The following PARVA variants were observed in gnomAD, a reference collection of about 807,000 sequenced individuals.
The protein encoded by PARVA is alpha-parvin.
A neutral mutation model predicts 52.6 loss-of-function variants in PARVA; 25 were observed. The observed-to-expected ratio is 0.48, with a 90% CI of 0.35 to 0.66. PARVA has a LOEUF of 0.66. Among genes scored for constraint, PARVA ranks in the 30% least tolerant of loss-of-function variants. The probability of loss-of-function intolerance (pLI) is 0.01; values close to 1 mark genes in which losing one functional copy is unlikely to be tolerated. For missense variants in PARVA, 373 were observed against 450.9 expected (o/e 0.83, Z 1.56); for synonymous variants, 185 against 179.1 (o/e 1.03, Z -0.26).
At position 12,416,038 on chromosome 11, in the gene PARVA, A is replaced by G. The variant is rs75170625; in HGVS notation, c.136+38255A>G. 6.4e-3 allele frequency among the ~76,000 whole-genome samples: 971 copies of G among 152,348 alleles called. 5 individuals carry two copies. Among genetic ancestry groups the G allele is most frequent in the Middle Eastern group, 0.017 (5 of 294 alleles). ...TAACCTCCATTTGTTTTCCCTTTCA[A>G]CATCATAATGCTGTGGTGAACTGGC... On this transcript the variant is annotated intron_variant, in intron 1 of 12. Coordinates refer to ENST00000334956, the MANE Select transcript of PARVA (RefSeq NM_018222.5).
intron 1 of PARVA, among the ~76,000 whole-genome samples, chr11:12,433,739 C>T (rs950609039): frequency 2.6e-5 from 4 of 152,282 alleles, no homozygotes; most frequent in East Asian, 1.9e-4. Flanking sequence ...AAAAAGGCCC[C>T]GGCCTCTCTG....
chr11:12,467,548 G>A (rs1940869252), intron 1 of PARVA, among the ~76,000 whole-genome samples: 1 of 152,176 alleles, frequency 6.6e-6, no homozygotes, highest in Non-Finnish European at 1.5e-5. Context: ...TGTTCTTTCA[G>A]ATTGATTTTT....
chr11:12,464,615 C>T (rs1335343347), intron 1 of PARVA, among the ~76,000 whole-genome samples: 1 of 152,208 alleles, frequency 6.6e-6, no homozygotes. Flanking sequence ...ATTTGTAATA[C>T]AGTTAGATTC....
At chr11:12,452,389 GTAGT>G (rs771579175) in intron 1 of PARVA, among the ~76,000 whole-genome samples, 38 of 151,870 alleles carry the variant, frequency 2.5e-4, no homozygotes, top group Non-Finnish European at 4.0e-4. Flanking sequence ...ACCTAAACTA[GTAGT>G]TAGATCTTCG....
rs34525671 is a variant in PARVA, at chr11:12,425,914, A to T, written c.137-47831A>T. Among the ~76,000 whole-genome samples, 873 of 152,322 alleles carry T rather than the reference A, an allele frequency of 5.7e-3. 1 individual carries two copies. The highest frequency in any genetic ancestry group is 8.9e-3 in the Non-Finnish European group (605 of 68,024). ...GTTTTATTCGCTTTAGTAAACTATT[A>T]TAACCTATTTGGAGATAAAGGCAAA... On this transcript the variant is annotated intron_variant, in intron 1 of 12. Coordinates refer to ENST00000334956, the MANE Select transcript of PARVA (RefSeq NM_018222.5).
chr11:12,430,549 C>A (rs1050220454), intron 1 of PARVA, among the ~76,000 whole-genome samples: 1 of 152,148 alleles, frequency 6.6e-6, no homozygotes, highest in African/African-American at 2.4e-5. Flanking sequence ...CACACAGAGG[C>A]TCCTTTCTTT....
At chr11:12,476,245 C>T (rs1941012592) in intron 3 of PARVA, among the ~76,000 whole-genome samples, 1 of 152,132 alleles carries the variant, frequency 6.6e-6, no homozygotes, top group South Asian at 2.1e-4. Flanking sequence ...CAGCTACCTC[C>T]GTACTTCCAG....
At chr11:12,470,420 T>C (rs1940917277) in intron 1 of PARVA, among the ~76,000 whole-genome samples, 1 of 152,214 alleles carries the variant, frequency 6.6e-6, no homozygotes, top group Non-Finnish European at 1.5e-5. Flanking sequence ...GCAATATTGC[T>C]GTCACTCCCA....
chr11:12,463,703 AG>A (rs937294729), intron 1 of PARVA, among the ~76,000 whole-genome samples: 13 of 152,224 alleles, frequency 8.5e-5, no homozygotes, highest in African/African-American at 2.6e-4. Context: ...AAGAGTGGGG[AG>A]TTATGCTCCA....
chr11:12,471,792 C>G (rs1161297386), intron 1 of PARVA, among the ~76,000 whole-genome samples: 1 of 152,152 alleles, frequency 6.6e-6, no homozygotes, highest in Non-Finnish European at 1.5e-5. Flanking sequence ...TTAAATAGCT[C>G]AAGTGGCTAG....
At chr11:12,487,742 TTATAAATAA>T (rs1214977202) in intron 4 of PARVA, among the ~76,000 whole-genome samples, 1 of 152,186 alleles carries the variant, frequency 6.6e-6, no homozygotes, top group Non-Finnish European at 1.5e-5. Flanking sequence ...TTATTATTCT[TTATAAATAA>T]TAGAGAAGCT....
intron 4 of PARVA, among the ~76,000 whole-genome samples, chr11:12,494,269 C>T (rs184088538): frequency 6.6e-6 from 1 of 152,302 alleles, no homozygotes; most frequent in Non-Finnish European, 1.5e-5. Flanking sequence ...GTAGGCATAA[C>T]TGATTAAATC....
intron 12 of PARVA, among the ~76,000 whole-genome samples, chr11:12,522,178 C>T (rs775394094): frequency 4.6e-5 from 7 of 152,112 alleles, no homozygotes; most frequent in Non-Finnish European, 7.3e-5. Context: ...CTGGAGTGTA[C>T]ATCCCAGTAG....
intron 1 of PARVA, among the ~76,000 whole-genome samples, chr11:12,429,694 T>G (rs938519466): frequency 3.3e-5 from 5 of 152,220 alleles, no homozygotes; most frequent in African/African-American, 1.2e-4. Flanking sequence ...CACTAAACTA[T>G]TTTTCATCTT....
At chr11:12,432,672 A>G (rs1411530151) in intron 1 of PARVA, among the ~76,000 whole-genome samples, 3 of 152,234 alleles carry the variant, frequency 2.0e-5, no homozygotes, top group African/African-American at 7.2e-5. Context: ...TAATTTGACA[A>G]AGAACCACGT....
chr11:12,446,731 T>C (rs1198721625), intron 1 of PARVA, among the ~76,000 whole-genome samples: 3 of 152,224 alleles, frequency 2.0e-5, no homozygotes, highest in Non-Finnish European at 2.9e-5. Context: ...GCTAGCCTTG[T>C]CCAATTATAA....
intron 1 of PARVA, among the ~76,000 whole-genome samples, chr11:12,443,942 A>G (rs745372728): frequency 2.0e-5 from 3 of 152,022 alleles, no homozygotes; most frequent in South Asian, 2.1e-4. Flanking sequence ...CTGCCTTACT[A>G]TCTCATTCCT....
chr11:12,517,473 C>T (rs1301487208), intron 10 of PARVA, 137 bp from the exon 11 acceptor site: 3 of 671,652 alleles, frequency 4.5e-6, no homozygotes, highest in Non-Finnish European at 8.0e-6. Context: ...TCTCGGGCCA[C>T]TGCCCCTACC....
At chr11:12,399,523 A>T (rs1939796230) in intron 1 of PARVA, among the ~76,000 whole-genome samples, 1 of 152,198 alleles carries the variant, frequency 6.6e-6, no homozygotes, top group Non-Finnish European at 1.5e-5. Context: ...AATATTTCTA[A>T]ATGTTTATTA....
Sources: gnomAD v4.1 joint callset for allele counts (sites outside exome capture counted in the v4.1 genomes callset) on GRCh38, gnomAD v4.1.1 for gene constraint, MANE v1.5 for transcripts, NCBI Gene and HGNC (gene_info 2026-07-23, HGNC 2026-07-21) for gene names.